FHL1: variants seen among roughly 807,000 people sequenced by gnomAD.
FHL1 encodes the protein four and a half LIM domains 1.
FHL1 carries 1 observed loss-of-function variant against 20.3 expected under a neutral mutation model. The observed-to-expected ratio is 0.05, with a 90% confidence interval of 0.02 to 0.23. FHL1 has a LOEUF of 0.23. FHL1 is among the 10% of genes least tolerant of loss of function. FHL1 has a pLI of 1.00. For missense variants in FHL1, 177 were observed against 234.0 expected, an observed-to-expected ratio of 0.76 and a Z score of 1.59; for synonymous variants, 82 against 88.9, an observed-to-expected ratio of 0.92 and a Z score of 0.44.
upstream of FHL1, chrX:136,169,290 C>G (rs777851290): frequency 7.9e-6 from 1 of 126,303 alleles, no homozygotes; most frequent in African/African-American, 3.3e-5. Context: ...GGGAACGGCA[C>G]AAGGCACACC....
chrX:136,208,659 T>C lies in FHL1; in HGVS notation c.736+18T>C, dbSNP rs774416768. 1.0e-5 allele frequency: 12 copies of C among 1,193,491 alleles called. No individual in the cohort carries two copies. Among genetic ancestry groups the C allele is most frequent in the South Asian group, 1.8e-5 (1 of 56,391 alleles). On this transcript the variant is annotated intron_variant, in intron 5 of 5. Transcript: ENST00000370683. ...CATCACTGGTAGGCTAAAGAGTCCT[T>C]GCTAAGTCTGCCAGGCTAGGTTTTG... is the stretch of plus-strand genomic sequence containing the variant.
chrX:136,153,402 C>G (rs1442070321), intron 1 of FHL1, among the ~76,000 whole-genome samples: 1 of 111,050 alleles, frequency 9.0e-6, no homozygotes, highest in East Asian at 2.8e-4. Flanking sequence ...AGATAAAATG[C>G]CTGTTTTGAT....
chrX:136,168,578 G>C (rs749581830), upstream of FHL1, among the ~76,000 whole-genome samples: 23 of 111,502 alleles, frequency 2.1e-4, no homozygotes, highest in Admixed American at 1.8e-3. Context: ...AAATGTTAGC[G>C]CTTCACCATG....
upstream of FHL1, among the ~76,000 whole-genome samples, chrX:136,166,309 A>C (rs1305796484): frequency 8.9e-6 from 1 of 112,258 alleles, no homozygotes; most frequent in Non-Finnish European, 1.9e-5. Context: ...CTATGGAACG[A>C]AGACTGCTCC....
At chrX:136,195,384 T>A (rs966514616), upstream of FHL1, among the ~76,000 whole-genome samples, 20 of 112,441 alleles carry the variant, frequency 1.8e-4, no homozygotes, top group Admixed American at 1.9e-3. Context: ...TCTAATAAAG[T>A]AAGAGAATTT....
At chrX:136,153,284 T>TC (rs756536145) in intron 1 of FHL1, among the ~76,000 whole-genome samples, 2 of 87,634 alleles carry the variant, frequency 2.3e-5, no homozygotes, top group African/African-American at 8.4e-5. Flanking sequence ...TTGCGGGAGG[T>TC]GGGGGGGGGC....
At position 136,211,282 on chromosome X, in the gene FHL1, T is replaced by C; in HGVS notation, c.*1257T>C. ...GTTAGAGAAGCTGATGCCTCATTTC[T>C]ACATTCTGTCATTAGCTATTATCAT... is the stretch of plus-strand genomic sequence containing the variant. On this transcript the variant is annotated 3_prime_UTR_variant, in exon 6 of 6. Transcript: ENST00000370683. 3.1e-6 allele frequency: 1 copy of C among 326,411 alleles called. No individual in the cohort carries two copies. Among genetic ancestry groups the C allele is most frequent in the South Asian group, 3.0e-5 (1 of 32,951 alleles). The allele number at this position is 326,411 out of a possible 1,213,427, so 26.9% of individuals were successfully genotyped here.
In FHL1 at chrX:136,210,798, C is replaced by T. The variant is rs1399922454; in HGVS notation, c.*773C>T. 5.2e-6 allele frequency: 2 copies of T among 384,493 alleles called. No homozygotes were observed. The highest frequency in any genetic ancestry group is 9.8e-6 in the Non-Finnish European group (2 of 204,553). 31.7% of individuals were successfully genotyped at this position (384,493 alleles called of 1,213,427 possible). A position where few individuals can be genotyped will look rare whatever the true frequency, so the allele number is the denominator to read the frequency against. On this transcript the variant is annotated 3_prime_UTR_variant, in exon 6 of 6. Transcript: ENST00000370683. Reference sequence around the variant, plus strand: ...GCTTAACAAAACTAACCCTGCTGTCCTTTTTATTGTTTTTAATTAATATTT... The same window carrying T: ...GCTTAACAAAACTAACCCTGCTGTCTTTTTTATTGTTTTTAATTAATATTT...
chrX:136,160,866 C>G (rs2072547221), intron 1 of FHL1, among the ~76,000 whole-genome samples: 1 of 111,059 alleles, frequency 9.0e-6, no homozygotes, highest in Non-Finnish European at 1.9e-5. Context: ...TAACCTCTCC[C>G]TCAAGTCCCA....
intron 1 of FHL1, among the ~76,000 whole-genome samples, chrX:136,202,119 A>G (rs779516267): frequency 8.9e-6 from 1 of 112,084 alleles, no homozygotes; most frequent in Admixed American, 9.4e-5. Context: ...AATCCCATCA[A>G]GTTGGGAGGC....
chrX:136,146,869 G>A (rs1453132489), upstream of FHL1: 2 of 327,882 alleles, frequency 6.1e-6, no homozygotes, highest in Non-Finnish European at 1.2e-5. Context: ...TATGGATGGG[G>A]CTTATTTAGC....
chrX:136,184,346 G>A (rs1027897413), intron 2 of FHL1, among the ~76,000 whole-genome samples: 2 of 111,928 alleles, frequency 1.8e-5, no homozygotes, highest in Non-Finnish European at 3.8e-5. Flanking sequence ...GCTAAACCAT[G>A]TCAGTTGCTT....
At chrX:136,186,881 TAG>T (rs1380997267) in intron 2 of FHL1, among the ~76,000 whole-genome samples, 1,208 of 5,960 alleles carry the variant, frequency 0.2, 19 homozygotes, top group Non-Finnish European at 0.27. Flanking sequence ...TATATATATA[TAG>T]ATAGATAGAT....
At chrX:136,177,655 G>C (rs1387553837) in intron 2 of FHL1, among the ~76,000 whole-genome samples, 2 of 112,164 alleles carry the variant, frequency 1.8e-5, no homozygotes, top group African/African-American at 6.5e-5. Flanking sequence ...GTATTGCACA[G>C]AGACTGAGGC....
chrX:136,206,026 T>C (rs918864973), intron 1 of FHL1: 5 of 290,662 alleles, frequency 1.7e-5, no homozygotes, highest in African/African-American at 1.1e-4. Context: ...AATGGCACAA[T>C]AGCACTGCTC....
chrX:136,203,997 C>A (rs1238525679), intron 1 of FHL1, among the ~76,000 whole-genome samples: 7 of 112,062 alleles, frequency 6.2e-5, no homozygotes, highest in Middle Eastern at 4.6e-3. Flanking sequence ...GATACTAAAA[C>A]GAGTAGGTTC....
chrX:136,146,942 A>G (rs1001279919), upstream of FHL1: 3 of 326,856 alleles, frequency 9.2e-6, no homozygotes, highest in East Asian at 2.0e-4. Context: ...GCTGCAAGCC[A>G]CCGGGTTCCG....
At chrX:136,162,237 C>T (rs930282255) in intron 1 of FHL1, among the ~76,000 whole-genome samples, 2 of 110,043 alleles carry the variant, frequency 1.8e-5, no homozygotes, top group Non-Finnish European at 3.8e-5. Flanking sequence ...TATTGAACTG[C>T]ATAGGGTGTG....
chrX:136,197,030 G>T (rs1337243102), upstream of FHL1: 3 of 1,107,993 alleles, frequency 2.7e-6, no homozygotes, highest in Non-Finnish European at 3.7e-6. Context: ...TTAAATGTAT[G>T]TTCACAAATG....
Sources: gnomAD v4.1 joint callset for allele counts (sites outside exome capture counted in the v4.1 genomes callset) on GRCh38, gnomAD v4.1.1 for gene constraint, MANE v1.5 for transcripts, NCBI Gene and HGNC (gene_info 2026-07-23, HGNC 2026-07-21) for gene names.